The following GRID2 variants were observed in gnomAD, a reference collection of about 807,000 sequenced individuals.
GRID2 encodes the protein glutamate ionotropic receptor delta type subunit 2.
GRID2 carries 33 observed loss-of-function variants against 114.8 expected under a neutral mutation model. That is an observed-to-expected ratio of 0.29 (90% CI 0.22 to 0.38). GRID2 has a LOEUF of 0.38. Ranked by LOEUF, GRID2 falls within the 10% of genes least tolerant of loss-of-function variation. The probability of loss-of-function intolerance (pLI) is 1.00; values close to 1 mark genes in which losing one functional copy is unlikely to be tolerated. For synonymous variants in GRID2, 505 were observed against 449.9 expected, an observed-to-expected ratio of 1.12 and a Z score of -1.55; for missense variants, 1,184 against 1,257.7, an observed-to-expected ratio of 0.94 and a Z score of 0.89.
chr4:93,272,614 T>C lies in GRID2; in HGVS notation c.1245+34124T>C, dbSNP rs72666963. On this transcript the variant is annotated intron_variant, in intron 8 of 15. Coordinates refer to ENST00000282020, the MANE Select transcript of GRID2 (RefSeq NM_001510.4). ...TCACCGTGAATGCTATGTGAAGCCA[T>C]TCACGTGCTTTCACCAGAGGGGTGG... Among the ~76,000 whole-genome samples, 601 of 152,276 alleles carry C rather than the reference T, an allele frequency of 3.9e-3. 1 individual carries two copies. Among genetic ancestry groups the C allele is most frequent in the Middle Eastern group, 0.01 (3 of 294 alleles).
intron 2 of GRID2, among the ~76,000 whole-genome samples, chr4:92,893,617 G>A (rs1249171478): frequency 6.6e-6 from 1 of 152,070 alleles, no homozygotes; most frequent in Non-Finnish European, 1.5e-5. Context: ...AATCTTTACA[G>A]TTTGTCAAAT....
intron 14 of GRID2, among the ~76,000 whole-genome samples, chr4:93,738,054 G>A (rs1348877236): frequency 6.6e-6 from 1 of 152,114 alleles, no homozygotes. Flanking sequence ...CCAGGTGAAA[G>A]TTTTCAGAGT....
At chr4:93,660,017 A>AT (rs141034755) in intron 14 of GRID2, among the ~76,000 whole-genome samples, 6,203 of 150,358 alleles carry the variant, frequency 0.041, 421 homozygotes, top group African/African-American at 0.14. Flanking sequence ...ACTATTCGTG[A>AT]TTTTTTTTTT....
At chr4:92,703,986 A>G (rs2149303524) in intron 2 of GRID2, among the ~76,000 whole-genome samples, 1 of 152,298 alleles carries the variant, frequency 6.6e-6, no homozygotes, top group East Asian at 1.9e-4. Context: ...ATTAAAAATA[A>G]GAGAATTGGC....
intron 1 of GRID2, among the ~76,000 whole-genome samples, chr4:92,341,584 A>G (rs1727491053): frequency 6.6e-6 from 1 of 152,160 alleles, no homozygotes; most frequent in Non-Finnish European, 1.5e-5. Context: ...ATCAAGGTTC[A>G]TCTATTGGAC....
intron 13 of GRID2, among the ~76,000 whole-genome samples, chr4:93,613,694 G>A (rs1159542976): frequency 3.5e-5 from 5 of 144,200 alleles, no homozygotes; most frequent in African/African-American, 1.3e-4. Context: ...TGCTTGCTGG[G>A]AGAACCACTG....
intron 4 of GRID2, among the ~76,000 whole-genome samples, chr4:93,146,419 C>T (rs1346131380): frequency 1.3e-5 from 2 of 152,066 alleles, no homozygotes; most frequent in African/African-American, 4.8e-5. Flanking sequence ...TAAACCCAGT[C>T]TTTGAAAAAT....
chr4:92,750,934 TATAA>T (rs377431246), intron 2 of GRID2, among the ~76,000 whole-genome samples: 169 of 152,318 alleles, frequency 1.1e-3, no homozygotes, highest in African/African-American at 4.0e-3. Flanking sequence ...ATCAATCAAA[TATAA>T]ATAATGAGAT....
chr4:92,591,718 T>G (rs545580268), intron 2 of GRID2, among the ~76,000 whole-genome samples: 28 of 152,290 alleles, frequency 1.8e-4, no homozygotes, highest in African/African-American at 6.7e-4. Context: ...AACTTATTTA[T>G]GTTAGTTAGA....
intron 1 of GRID2, among the ~76,000 whole-genome samples, chr4:93,799,611 A>C (rs1734883102): frequency 6.6e-6 from 1 of 152,216 alleles, no homozygotes; most frequent in Admixed American, 6.5e-5. Flanking sequence ...TTGAATAATT[A>C]CATTATTGAA....
intron 8 of GRID2, among the ~76,000 whole-genome samples, chr4:93,252,531 G>GA (rs1345378926): frequency 1.3e-5 from 2 of 151,848 alleles, no homozygotes; most frequent in Non-Finnish European, 2.9e-5. Flanking sequence ...TTTTAGCTTA[G>GA]GATTGTCTTG....
intron 1 of GRID2, among the ~76,000 whole-genome samples, chr4:92,530,368 A>G (rs1452226574): frequency 2.0e-5 from 3 of 152,010 alleles, no homozygotes; most frequent in African/African-American, 7.2e-5. Flanking sequence ...GGAAAAGGAC[A>G]GTGCCTCATA....
intron 7 of GRID2, among the ~76,000 whole-genome samples, chr4:93,228,350 A>T (rs1254122534): frequency 6.6e-6 from 1 of 152,208 alleles, no homozygotes; most frequent in African/African-American, 2.4e-5. Context: ...TTAACCCATT[A>T]TAGTTATTAA....
intron 1 of GRID2, among the ~76,000 whole-genome samples, chr4:93,799,537 A>C (rs2110365465): frequency 6.6e-6 from 1 of 152,304 alleles, no homozygotes; most frequent in Non-Finnish European, 1.5e-5. Flanking sequence ...AATTGAGCCA[A>C]GTGACTACTG....
At chr4:93,327,932 T>C (rs1342158781) in intron 8 of GRID2, among the ~76,000 whole-genome samples, 2 of 152,116 alleles carry the variant, frequency 1.3e-5, no homozygotes, top group Non-Finnish European at 2.9e-5. Context: ...CACCATCATC[T>C]CATACCTGTG....
intron 2 of GRID2, among the ~76,000 whole-genome samples, chr4:92,725,429 G>T (rs912882741): frequency 1.3e-5 from 2 of 152,112 alleles, no homozygotes; most frequent in South Asian, 4.1e-4. Context: ...AATTTACAAT[G>T]GAACAAGTTG....
intron 2 of GRID2, among the ~76,000 whole-genome samples, chr4:92,898,953 CAA>C (rs1560680554): frequency 4.6e-5 from 7 of 152,086 alleles, no homozygotes; most frequent in African/African-American, 9.6e-5. Flanking sequence ...TTTCCAATTA[CAA>C]AGAGTTTTAC....
intron 2 of GRID2, among the ~76,000 whole-genome samples, chr4:92,969,791 A>G (rs946850919): frequency 2.0e-5 from 3 of 151,862 alleles, no homozygotes; most frequent in Non-Finnish European, 2.9e-5. Context: ...CCTAGTACCA[A>G]TAGAAACCCT....
chr4:93,302,627 C>G (rs1754998131), intron 8 of GRID2: 2 of 455,718 alleles, frequency 4.4e-6, no homozygotes, highest in East Asian at 6.9e-5. Flanking sequence ...ATACATTCAT[C>G]TTCTGTACAC....
Sources: allele counts gnomAD v4.1 joint callset (sites outside exome capture counted in the v4.1 genomes callset), GRCh38; gene constraint gnomAD v4.1.1; transcripts MANE v1.5; gene names NCBI Gene and HGNC (gene_info 2026-07-23, HGNC 2026-07-21).